TESC: variants seen among roughly 807,000 people sequenced by gnomAD.
The protein encoded by TESC is tescalcin.
Under a neutral mutation model 31.0 loss-of-function variants are expected in TESC, and 19 were observed. The observed-to-expected ratio is 0.61, with a 90% CI of 0.43 to 0.90. TESC has a LOEUF of 0.90. Among genes scored for constraint, TESC ranks in the 40% least tolerant of loss-of-function variants. The pLI is 0.00. For missense variants in TESC, 248 were observed against 303.8 expected (o/e 0.82, Z 1.36); for synonymous variants, 109 against 114.8 (o/e 0.95, Z 0.32).
chr12:117,058,493 C>T (rs974005729), intron 2 of TESC, among the ~76,000 whole-genome samples: 11 of 143,476 alleles, frequency 7.7e-5, no homozygotes, highest in Non-Finnish European at 6.0e-5. Context: ...TCTGTACATA[C>T]AACAAATGTC....
intron 1 of TESC, among the ~76,000 whole-genome samples, chr12:117,093,063 C>T (rs1468557088): frequency 1.3e-5 from 2 of 152,150 alleles, no homozygotes; most frequent in Non-Finnish European, 2.9e-5. Context: ...GCTTACCAAG[C>T]TTTGGCGGAC....
At chr12:117,083,251 A>G (rs1184131396) in intron 1 of TESC, among the ~76,000 whole-genome samples, 2 of 152,152 alleles carry the variant, frequency 1.3e-5, no homozygotes, top group African/African-American at 4.8e-5. Flanking sequence ...GCTAATTTCT[A>G]TATTTTTAGT....
At chr12:117,098,344 AG>A (rs139730899) in intron 1 of TESC, 3,937 of 153,016 alleles carry the variant, frequency 0.026, 134 homozygotes, top group African/African-American at 0.078. Flanking sequence ...TGCAGCTGGC[AG>A]GGTTCACAGC....
At chr12:117,047,386 G>A (rs1018816941) in intron 4 of TESC, among the ~76,000 whole-genome samples, 7 of 152,036 alleles carry the variant, frequency 4.6e-5, no homozygotes, top group African/African-American at 1.4e-4. Context: ...CTTGGGAGCT[G>A]GAGCTCTCCC....
intron 6 of TESC, among the ~76,000 whole-genome samples, chr12:117,044,628 C>T (rs909668943): frequency 2.6e-5 from 4 of 152,106 alleles, no homozygotes; most frequent in African/African-American, 7.2e-5. Context: ...GCCGGCGCGA[C>T]GGCTCATGCC....
At chr12:117,063,983 A>G (rs7297303) in intron 2 of TESC, among the ~76,000 whole-genome samples, 70,460 of 152,064 alleles carry the variant, frequency 0.46, 19,314 homozygotes, top group African/African-American at 0.78. Flanking sequence ...TTAATACAGT[A>G]GTGCATTCAT....
In TESC at chr12:117,095,553, TACACACA is replaced by T. The variant is rs1593030985; in HGVS notation, c.58+3665_58+3671del. On this transcript the variant is annotated intron_variant, in intron 1 of 7. Coordinates refer to ENST00000335209, the MANE Select transcript of TESC (RefSeq NM_017899.4). ...GGTTCCTAGAAATTCAAGTGGCAGCTACACACAGTGAAAGCATGCTGGCAGTAAGAAA... is the reference window on the plus strand; with the variant it reads ...GGTTCCTAGAAATTCAAGTGGCAGCTGTGAAAGCATGCTGGCAGTAAGAAA... Among the ~76,000 whole-genome samples, 3 of 152,170 alleles carry T rather than the reference TACACACA, an allele frequency of 2.0e-5. No homozygotes were observed. The East Asian group carries it at 5.8e-4, about 29-fold the overall frequency.
chr12:117,051,129 G>A (rs1200906937), intron 3 of TESC, among the ~76,000 whole-genome samples: 2 of 152,306 alleles, frequency 1.3e-5, no homozygotes, highest in African/African-American at 4.8e-5. Flanking sequence ...GGCCCGGGGT[G>A]GCTAACAGTT....
chr12:117,049,468 C>G (rs1445858052), intron 3 of TESC, among the ~76,000 whole-genome samples: 1 of 152,176 alleles, frequency 6.6e-6, no homozygotes, highest in Non-Finnish European at 1.5e-5. Flanking sequence ...TGCACACAGG[C>G]CAGCACTTAT....
At chr12:117,041,580 G>A (rs965483912) in intron 7 of TESC, among the ~76,000 whole-genome samples, 4 of 152,122 alleles carry the variant, frequency 2.6e-5, no homozygotes, top group Admixed American at 6.6e-5. Context: ...TGATCTGCCC[G>A]CCTCAGCCTC....
At chr12:117,062,616 T>C (rs1172316444) in intron 2 of TESC, among the ~76,000 whole-genome samples, 1 of 135,126 alleles carries the variant, frequency 7.4e-6, no homozygotes, top group Non-Finnish European at 1.5e-5. Flanking sequence ...AGTGGCATGG[T>C]GGTTGGTGCC....
intron 6 of TESC, 51 bp downstream of exon 6, chr12:117,046,508 C>G (rs373426411): frequency 2.0e-6 from 3 of 1,501,362 alleles, no homozygotes. Flanking sequence ...AAACGCAGAC[C>G]ATAAGCGGGA....
chr12:117,059,463 G>A (rs988290245), intron 2 of TESC, among the ~76,000 whole-genome samples: 5 of 152,268 alleles, frequency 3.3e-5, no homozygotes, highest in Admixed American at 6.5e-5. Context: ...TCAAAAGAAG[G>A]AGGTAGACTC....
intron 3 of TESC, among the ~76,000 whole-genome samples, chr12:117,054,313 C>T (rs1416200191): frequency 1.3e-5 from 2 of 152,012 alleles, no homozygotes; most frequent in African/African-American, 4.8e-5. Flanking sequence ...GCTCACCCAC[C>T]CCCTCACACC....
chr12:117,051,123 C>T (rs534779296), intron 3 of TESC, among the ~76,000 whole-genome samples: 2 of 152,286 alleles, frequency 1.3e-5, no homozygotes, highest in Admixed American at 1.3e-4. Context: ...CTAGCTGGCC[C>T]GGGGTGGCTA....
intron 6 of TESC, among the ~76,000 whole-genome samples, chr12:117,046,296 G>T (rs1954557519): frequency 6.6e-6 from 1 of 152,208 alleles, no homozygotes. Flanking sequence ...TGGGGGATCA[G>T]GGGGCTATGC....
intron 2 of TESC, among the ~76,000 whole-genome samples, chr12:117,062,315 G>A (rs1954810341): frequency 6.6e-6 from 1 of 151,918 alleles, no homozygotes; most frequent in African/African-American, 2.4e-5. Flanking sequence ...TCCACCTCCT[G>A]GGTTCAAGTG....
chr12:117,054,185 T>G (rs1954688676), intron 3 of TESC, among the ~76,000 whole-genome samples: 1 of 151,980 alleles, frequency 6.6e-6, no homozygotes, highest in Non-Finnish European at 1.5e-5. Flanking sequence ...CCCCAGATCC[T>G]CGGGGCACCC....
rs544740652 is a variant in TESC, at chr12:117,099,188, C to T, written c.58+37G>A. ...CCCAACAGTGGCCGTTCGGAGGTCC[C>T]GCCCCGGTCCCCGCGCCGCCCCCCG... On this transcript the variant is annotated intron_variant, in intron 1 of 7. Coordinates refer to ENST00000335209, the MANE Select transcript of TESC (RefSeq NM_017899.4). 5.5e-4 allele frequency: 811 copies of T among 1,474,408 alleles called. 2 individuals are homozygous for T. The highest frequency in any genetic ancestry group is 6.7e-4 in the Non-Finnish European group (745 of 1,120,130). 91.3% of individuals were successfully genotyped at this position (1,474,408 alleles called of 1,614,324 possible). A position where few individuals can be genotyped will look rare whatever the true frequency, so the allele number is the denominator to read the frequency against.
Sources: allele counts gnomAD v4.1 joint callset (sites outside exome capture counted in the v4.1 genomes callset), GRCh38; gene constraint gnomAD v4.1.1; transcripts MANE v1.5; gene names NCBI Gene and HGNC (gene_info 2026-07-23, HGNC 2026-07-21).